Variants in SLC9B2 observed in about 807,000 individuals in gnomAD.
SLC9B2 encodes solute carrier family 9 member B2, also known as sodium/hydrogen exchanger 9B2.
Under a neutral mutation model 52.2 loss-of-function variants are expected in SLC9B2, and 39 were observed. The observed-to-expected ratio is 0.75, with a 90% CI of 0.58 to 0.98. The LOEUF (loss-of-function observed/expected upper bound fraction) is 0.98, where lower values mean the gene tolerates loss of function less well. Ranked by LOEUF, SLC9B2 falls within the 50% of genes least tolerant of loss-of-function variation. The probability of loss-of-function intolerance (pLI) is 0.00; values close to 1 mark genes in which losing one functional copy is unlikely to be tolerated. For missense variants in SLC9B2, 626 were observed against 637.5 expected (o/e 0.98, Z 0.19); for synonymous variants, 214 against 227.0 (o/e 0.94, Z 0.51).
intron 2 of SLC9B2, 38 bp downstream of exon 2, chr4:103,067,423 T>C: frequency 6.4e-7 from 1 of 1,563,114 alleles, no homozygotes; most frequent in Non-Finnish European, 8.8e-7. Flanking sequence ...AGTGGTAGAA[T>C]ATGAAGAAAA....
intron 10 of SLC9B2, among the ~76,000 whole-genome samples, chr4:103,031,435 T>A (rs1236855971): frequency 2.6e-5 from 4 of 152,172 alleles, no homozygotes; most frequent in Non-Finnish European, 5.9e-5. Flanking sequence ...ATTTTCTGGG[T>A]AGTGGTCAGC....
At chr4:103,050,445 T>TTA in intron 4 of SLC9B2, 63 bp from the exon 5 acceptor site, 1 of 1,435,192 alleles carries the variant, frequency 7.0e-7, no homozygotes, top group Non-Finnish European at 9.2e-7. Flanking sequence ...TTTTAGTACT[T>TTA]TAATTTTATA....
intron 11 of SLC9B2, among the ~76,000 whole-genome samples, chr4:103,027,784 G>C (rs777135958): frequency 2.0e-5 from 3 of 152,112 alleles, no homozygotes; most frequent in Non-Finnish European, 4.4e-5. Flanking sequence ...TTATGTTTTA[G>C]ACATTTTTGA....
chr4:103,033,252 C>T (rs2110581387), intron 9 of SLC9B2, among the ~76,000 whole-genome samples: 1 of 152,014 alleles, frequency 6.6e-6, no homozygotes, highest in African/African-American at 2.4e-5. Flanking sequence ...GAAACATTGG[C>T]CAATCAATAA....
intron 3 of SLC9B2, among the ~76,000 whole-genome samples, chr4:103,063,698 A>G (rs944739261): frequency 1.3e-5 from 2 of 152,218 alleles, no homozygotes; most frequent in Admixed American, 6.5e-5. Context: ...CAGACAAACC[A>G]GATTACACCA....
At chr4:103,037,594 GT>G (rs1353420166) in intron 9 of SLC9B2, among the ~76,000 whole-genome samples, 2 of 152,172 alleles carry the variant, frequency 1.3e-5, no homozygotes, top group Non-Finnish European at 2.9e-5. Flanking sequence ...TTATTTAATA[GT>G]TCTGTTTCTA....
intron 3 of SLC9B2, among the ~76,000 whole-genome samples, chr4:103,061,082 C>T (rs921072648): frequency 6.6e-6 from 1 of 152,238 alleles, no homozygotes; most frequent in Non-Finnish European, 1.5e-5. Flanking sequence ...GCTCACAGCG[C>T]TCTCAAAATC....
chr4:103,028,623 C>T (rs763211117), intron 11 of SLC9B2, 124 bp downstream of exon 11: 8 of 1,209,898 alleles, frequency 6.6e-6, no homozygotes, highest in South Asian at 1.5e-5. Flanking sequence ...TTAGGATAAA[C>T]TCTTTTCATA....
chr4:103,051,769 T>C (rs945753019), intron 4 of SLC9B2, among the ~76,000 whole-genome samples: 2 of 152,220 alleles, frequency 1.3e-5, no homozygotes, highest in Non-Finnish European at 2.9e-5. Context: ...TCTGTGTGTA[T>C]AAGCTCTTTT....
intron 9 of SLC9B2, among the ~76,000 whole-genome samples, chr4:103,040,873 A>T (rs894061152): frequency 1.3e-5 from 2 of 152,226 alleles, no homozygotes; most frequent in East Asian, 3.8e-4. Context: ...GAAATTAATT[A>T]CGTGCAAATT....
Position 103,043,445 on chromosome 4 carries a change from C to T in SLC9B2, c.997G>A (p.Asp333Asn). ...FIQYFPSRDQ[D>N]KLVCKRTFLV... ...AATGTTCTCTTACACACAAGTTTGTCCTTTAGGAGAAAAAAATTCATTTGC... is the reference window on the plus strand; with the variant it reads ...AATGTTCTCTTACACACAAGTTTGTTCTTTAGGAGAAAAAAATTCATTTGC... Residue 333 changes from aspartate to asparagine, a missense_variant and splice_region_variant, in exon 9 of 12, where the codon GAC becomes AAC. By Grantham distance (23) the Asp-to-Asn change is conservative. Transcript: ENST00000394785. 2 of 1,587,506 alleles carry T rather than the reference C, an allele frequency of 1.3e-6. No homozygotes were observed. The highest frequency in any genetic ancestry group is 1.2e-5 in the South Asian group (1 of 85,664).
intron 4 of SLC9B2, among the ~76,000 whole-genome samples, chr4:103,054,169 T>A (rs61169482): frequency 3.9e-5 from 6 of 152,084 alleles, no homozygotes; most frequent in African/African-American, 1.4e-4. Context: ...CTGGGAAGGC[T>A]GAGGCAGGAA....
chr4:103,075,524 T>C (rs1426738657), intron 1 of SLC9B2, among the ~76,000 whole-genome samples: 1 of 152,212 alleles, frequency 6.6e-6, no homozygotes, highest in Non-Finnish European at 1.5e-5. Context: ...CAAAATCGTT[T>C]ACTCTTCTGC....
chr4:103,059,569 G>A (rs1219760720), intron 3 of SLC9B2, among the ~76,000 whole-genome samples: 1 of 152,170 alleles, frequency 6.6e-6, no homozygotes, highest in Non-Finnish European at 1.5e-5. Context: ...CTTCCACAGA[G>A]ATTTCGTCCT....
rs968461392 is a variant in SLC9B2, at chr4:103,024,583, G to T, written c.*1787C>A. ...GGACAGGCTTTATTTATGCAGATCA[G>T]CTTGGTGGGATTAGGATATTCATAA... is the stretch of plus-strand genomic sequence containing the variant. On this transcript the variant is annotated 3_prime_UTR_variant, in exon 12 of 12. Coordinates refer to ENST00000394785, the MANE Select transcript of SLC9B2 (RefSeq NM_178833.7). Among the ~76,000 whole-genome samples, 3 of 152,194 alleles carry T rather than the reference G, an allele frequency of 2.0e-5. No individual in the cohort carries two copies. The highest frequency in any genetic ancestry group is 7.2e-5 in the African/African-American group (3 of 41,448).
At chr4:103,021,181 A>G (rs1560536831), downstream of SLC9B2, among the ~76,000 whole-genome samples, 1 of 152,178 alleles carries the variant, frequency 6.6e-6, no homozygotes, top group Admixed American at 6.5e-5. Flanking sequence ...TTTGCCTCCA[A>G]GGCACTACTC....
In SLC9B2 at chr4:103,071,977, T is replaced by C. The variant is rs1408712747; in HGVS notation, c.-43+4207A>G. 2.0e-5 allele frequency among the ~76,000 whole-genome samples: 3 copies of C among 151,548 alleles called. No individual in the cohort carries two copies. In the East Asian group the frequency reaches 5.8e-4, roughly 29 times the overall value. ...AATTTAAAATCATTTTTTGTAGTTG[T>C]GATTTTTCAAAGAAGATGAGTAACT... On this transcript the variant is annotated intron_variant, in intron 1 of 11. Coordinates refer to ENST00000394785, the MANE Select transcript of SLC9B2 (RefSeq NM_178833.7).
At chr4:103,046,203 T>G (rs1383274921) in intron 7 of SLC9B2, among the ~76,000 whole-genome samples, 1 of 152,198 alleles carries the variant, frequency 6.6e-6, no homozygotes, top group African/African-American at 2.4e-5. Context: ...AGAAGATGTG[T>G]TCCCACTACA....
intron 6 of SLC9B2, 121 bp from the exon 7 acceptor site, chr4:103,047,347 T>C: frequency 1.1e-6 from 1 of 893,192 alleles, no homozygotes; most frequent in South Asian, 2.4e-5. Context: ...TTTTTTTTTT[T>C]CTAAATTAAG....
Sources: gnomAD v4.1 joint callset for allele counts (sites outside exome capture counted in the v4.1 genomes callset) on GRCh38, gnomAD v4.1.1 for gene constraint, MANE v1.5 for transcripts, NCBI Gene and HGNC (gene_info 2026-07-23, HGNC 2026-07-21) for gene names.